Variants in ATP9A observed in about 807,000 individuals in gnomAD.
ATP9A encodes the protein probable phospholipid-transporting ATPase IIA.
Under a neutral mutation model 144.1 loss-of-function variants are expected in ATP9A, and 52 were observed. The observed-to-expected ratio is 0.36, with a 90% CI of 0.29 to 0.45. The LOEUF (loss-of-function observed/expected upper bound fraction) is 0.45, where lower values mean the gene tolerates loss of function less well. Ranked by LOEUF, ATP9A falls within the 20% of genes least tolerant of loss-of-function variation. The probability of loss-of-function intolerance (pLI) is 1.00; values close to 1 mark genes in which losing one functional copy is unlikely to be tolerated. For synonymous variants in ATP9A, 582 were observed against 557.4 expected, an observed-to-expected ratio of 1.04 and a Z score of -0.62; for missense variants, 947 against 1,392.7, an observed-to-expected ratio of 0.68 and a Z score of 5.09.
chr20:51,639,315 C>G, intron 15 of ATP9A, 28 bp downstream of exon 15: 1 of 1,589,700 alleles, frequency 6.3e-7, no homozygotes, highest in Non-Finnish European at 8.6e-7. Flanking sequence ...TACTTAAGCA[C>G]TTTAAGCCAT....
chr20:51,601,294 G>T lies in ATP9A; in HGVS notation c.3061C>A (p.Leu1021Met), dbSNP rs1474694775. 1 of 1,613,810 alleles carries T rather than the reference G, an allele frequency of 6.2e-7. No individual in the cohort carries two copies. The highest frequency in any genetic ancestry group is 1.7e-5 in the Admixed American group (1 of 59,988). ...SFLWKVSVIT[L>M]VSCLPLYVLK... ...ACATAGAGGGGGAGGCAGCTGACCA[G>T]AGTGATGACGGAGACTTTCCACAAG... is the stretch of plus-strand genomic sequence containing the variant. Residue 1021 changes from leucine to methionine, a missense_variant, in exon 28 of 28, where the codon CTG becomes ATG. Physicochemically the swap from Leu to Met is conservative, Grantham distance 15 (BLOSUM62 2). Transcript: ENST00000338821.
chr20:51,605,491 A>T (rs2077159613), intron 26 of ATP9A, among the ~76,000 whole-genome samples: 1 of 152,110 alleles, frequency 6.6e-6, no homozygotes, highest in Non-Finnish European at 1.5e-5. Flanking sequence ...GGTGGCATGC[A>T]CCTGTAGTCC....
intron 13 of ATP9A, among the ~76,000 whole-genome samples, chr20:51,669,289 G>A (rs1413770856): frequency 2.0e-5 from 3 of 152,134 alleles, no homozygotes; most frequent in African/African-American, 7.2e-5. Context: ...ACACAGCCAA[G>A]ATGGGGACCC....
chr20:51,681,491 G>A (rs1028423077), intron 9 of ATP9A, among the ~76,000 whole-genome samples: 40 of 138,196 alleles, frequency 2.9e-4, no homozygotes, highest in African/African-American at 9.8e-4. Context: ...GTGCAATTTC[G>A]GCTCATTACA....
intron 4 of ATP9A, among the ~76,000 whole-genome samples, chr20:51,704,777 T>C (rs1435235135): frequency 1.3e-5 from 2 of 152,034 alleles, no homozygotes; most frequent in Non-Finnish European, 2.9e-5. Flanking sequence ...CGAAACTCCA[T>C]CTCAAAACAA....
chr20:51,601,587 G>A (rs2077143400), intron 27 of ATP9A, among the ~76,000 whole-genome samples: 1 of 152,184 alleles, frequency 6.6e-6, no homozygotes, highest in African/African-American at 2.4e-5. Context: ...ACAGTGAAAT[G>A]CTACTTTTAA....
intron 3 of ATP9A, 137 bp from the exon 4 acceptor site, chr20:51,713,211 C>T: frequency 4.2e-6 from 3 of 722,746 alleles, no homozygotes; most frequent in South Asian, 1.6e-5. Flanking sequence ...TGAGTTATTC[C>T]AAATGCACAC....
Position 51,673,632 on chromosome 20 carries a change from G to A in ATP9A, c.1037+521C>T, listed in dbSNP as rs550588059. ...CCCTAGCATAGGGAGGCAAGGCAAG[G>A]AAAGATCTCTGATTCAAGAAAGGAT... On this transcript the variant is annotated intron_variant, in intron 11 of 27. Transcript: ENST00000338821. Among the ~76,000 whole-genome samples the A allele has an allele frequency of 2.0e-5, 3 of 152,280 alleles. No individual in the cohort carries two copies. The South Asian group carries it at 6.2e-4, about 32-fold the overall frequency.
intron 14 of ATP9A, among the ~76,000 whole-genome samples, chr20:51,644,216 G>A (rs961728955): frequency 2.1e-5 from 3 of 145,672 alleles, no homozygotes; most frequent in East Asian, 2.0e-4. Flanking sequence ...GTGTAGAAAT[G>A]TTTATAGAGT....
At chr20:51,660,097 T>C (rs1008188451) in intron 13 of ATP9A, among the ~76,000 whole-genome samples, 1 of 152,208 alleles carries the variant, frequency 6.6e-6, no homozygotes, top group African/African-American at 2.4e-5. Flanking sequence ...AAAAATTCTA[T>C]AATTTAGGTT....
chr20:51,659,454 T>C (rs1224973198), intron 13 of ATP9A, among the ~76,000 whole-genome samples: 2 of 152,208 alleles, frequency 1.3e-5, no homozygotes, highest in African/African-American at 4.8e-5. Flanking sequence ...GAGTCCTCAA[T>C]TGACATGCAT....
At chr20:51,669,894 T>C in intron 13 of ATP9A, 103 bp downstream of exon 13, 2 of 815,064 alleles carry the variant, frequency 2.5e-6, no homozygotes, top group Non-Finnish European at 4.1e-6. Context: ...AATTGTACTC[T>C]TGAAATGGGT....
intron 4 of ATP9A, among the ~76,000 whole-genome samples, chr20:51,711,790 G>C (rs974369038): frequency 1.3e-5 from 2 of 149,284 alleles, no homozygotes; most frequent in Non-Finnish European, 3.0e-5. Context: ...TCTTGCAAGT[G>C]GGGGGTCAGT....
chr20:51,629,440 G>A (rs992831671), intron 15 of ATP9A, among the ~76,000 whole-genome samples: 1 of 152,136 alleles, frequency 6.6e-6, no homozygotes, highest in African/African-American at 2.4e-5. Flanking sequence ...GGAAGATAAG[G>A]ACTAGAACAG....
At chr20:51,621,566 A>G (rs570952072) in intron 19 of ATP9A, among the ~76,000 whole-genome samples, 1 of 152,166 alleles carries the variant, frequency 6.6e-6, no homozygotes, top group Non-Finnish European at 1.5e-5. Flanking sequence ...TGTCTGCCAC[A>G]AGGGCGGGCG....
intron 5 of ATP9A, among the ~76,000 whole-genome samples, chr20:51,696,885 C>T (rs928271305): frequency 2.0e-5 from 3 of 152,144 alleles, no homozygotes; most frequent in African/African-American, 7.2e-5. Context: ...CAAATATACA[C>T]ACTAGAAAAA....
chr20:51,658,754 A>C (rs2077397802), intron 13 of ATP9A, among the ~76,000 whole-genome samples: 1 of 151,728 alleles, frequency 6.6e-6, no homozygotes, highest in Non-Finnish European at 1.5e-5. Flanking sequence ...TCCTGACCTC[A>C]AGCGATCCGC....
chr20:51,691,045 T>A, intron 7 of ATP9A, among the ~76,000 whole-genome samples: 1 of 152,172 alleles, frequency 6.6e-6, no homozygotes, highest in Non-Finnish European at 1.5e-5. Flanking sequence ...GTGAAGACCC[T>A]CGTTTCTCTG....
intron 6 of ATP9A, among the ~76,000 whole-genome samples, chr20:51,695,133 T>C (rs1038021364): frequency 6.6e-6 from 1 of 152,066 alleles, no homozygotes; most frequent in Non-Finnish European, 1.5e-5. Flanking sequence ...CCTCCGATCA[T>C]GCCAGATAAG....
Sources: allele counts gnomAD v4.1 joint callset (sites outside exome capture counted in the v4.1 genomes callset), GRCh38; gene constraint gnomAD v4.1.1; transcripts MANE v1.5; gene names NCBI Gene and HGNC (gene_info 2026-07-23, HGNC 2026-07-21).